Variants in SEMA3A observed in about 807,000 individuals in gnomAD.
SEMA3A encodes semaphorin-3A.
Under a neutral mutation model 97.9 loss-of-function variants are expected in SEMA3A, and 29 were observed. The observed-to-expected ratio is 0.30, with a 90% CI of 0.22 to 0.40. The LOEUF is 0.40. Among genes scored for constraint, SEMA3A ranks in the 10% least tolerant of loss-of-function variants. The probability of loss-of-function intolerance (pLI) is 1.00; values close to 1 mark genes in which losing one functional copy is unlikely to be tolerated. For missense variants in SEMA3A, 763 were observed against 951.3 expected, an observed-to-expected ratio of 0.80 and a Z score of 2.60; for synonymous variants, 321 against 323.7, an observed-to-expected ratio of 0.99 and a Z score of 0.09.
At chr7:84,023,430 G>A (rs1791398184) in intron 6 of SEMA3A, among the ~76,000 whole-genome samples, 1 of 152,148 alleles carries the variant, frequency 6.6e-6, no homozygotes, top group Non-Finnish European at 1.5e-5. Flanking sequence ...TGGGGTATCT[G>A]TAAATTTAAA....
intron 3 of SEMA3A, among the ~76,000 whole-genome samples, chr7:84,115,671 T>C (rs951768073): frequency 2.0e-5 from 3 of 152,168 alleles, no homozygotes; most frequent in African/African-American, 7.2e-5. Flanking sequence ...GTCCATTATA[T>C]GTACCTAGCA....
At chr7:84,036,831 T>G (rs186589890) in intron 6 of SEMA3A, among the ~76,000 whole-genome samples, 1 of 152,192 alleles carries the variant, frequency 6.6e-6, no homozygotes, top group Non-Finnish European at 1.5e-5. Flanking sequence ...TCTTAGGAAT[T>G]AATATATGTT....
At chr7:84,418,936 T>C (rs117353444) in intron 1 of SEMA3A, among the ~76,000 whole-genome samples, 6,325 of 150,440 alleles carry the variant, frequency 0.042, 149 homozygotes, top group Non-Finnish European at 0.062. Context: ...TATATATACA[T>C]ATATCTACAC....
At chr7:83,963,095 A>G in intron 16 of SEMA3A, 110 bp downstream of exon 16, 1 of 1,171,552 alleles carries the variant, frequency 8.5e-7, no homozygotes, top group Non-Finnish European at 1.2e-6. Flanking sequence ...ATTGGTTCAG[A>G]AGAGGATAAG....
At chr7:84,201,177 T>C (rs1798346950) in intron 3 of SEMA3A, among the ~76,000 whole-genome samples, 1 of 152,120 alleles carries the variant, frequency 6.6e-6, no homozygotes, top group Admixed American at 6.6e-5. Flanking sequence ...AAAAAGAATG[T>C]TGCACCTCAG....
At chr7:84,424,882 T>G (rs1237556633) in intron 1 of SEMA3A, among the ~76,000 whole-genome samples, 1 of 74,890 alleles carries the variant, frequency 1.3e-5, no homozygotes, top group Non-Finnish European at 2.2e-5. Context: ...ATATATAATA[T>G]TATATATAAA....
chr7:84,440,281 C>G (rs1214672475), intron 1 of SEMA3A, among the ~76,000 whole-genome samples: 1 of 152,140 alleles, frequency 6.6e-6, no homozygotes, highest in Non-Finnish European at 1.5e-5. Context: ...TTATTTTCAG[C>G]TTTTAGCACA....
intron 6 of SEMA3A, among the ~76,000 whole-genome samples, chr7:84,023,045 C>T (rs1791386740): frequency 6.6e-6 from 1 of 152,200 alleles, no homozygotes; most frequent in Admixed American, 6.5e-5. Context: ...TACCTCATCC[C>T]ACAGATGGCA....
At chr7:84,406,181 T>A (rs990887964) in intron 1 of SEMA3A, among the ~76,000 whole-genome samples, 44 of 151,712 alleles carry the variant, frequency 2.9e-4, no homozygotes, top group African/African-American at 8.7e-4. Context: ...AAGAGAGAAG[T>A]ATCAAATAGA....
chr7:84,361,511 T>C (rs1247534332), intron 2 of SEMA3A, among the ~76,000 whole-genome samples: 1 of 152,068 alleles, frequency 6.6e-6, no homozygotes, highest in Non-Finnish European at 1.5e-5. Flanking sequence ...TATCTATCCT[T>C]ATCGAACATG....
chr7:84,327,620 A>C (rs2115935291), intron 2 of SEMA3A, among the ~76,000 whole-genome samples: 1 of 152,110 alleles, frequency 6.6e-6, no homozygotes, highest in South Asian at 2.1e-4. Flanking sequence ...GAGATCTTTA[A>C]AAAAATCTAT....
intron 5 of SEMA3A, among the ~76,000 whole-genome samples, chr7:84,051,847 T>A (rs952620995): frequency 6.6e-6 from 1 of 151,432 alleles, no homozygotes. Context: ...GGCTGTGGGT[T>A]TGTCATAGAT....
intron 2 of SEMA3A, among the ~76,000 whole-genome samples, chr7:84,314,670 T>C (rs1801449325): frequency 6.6e-6 from 1 of 152,194 alleles, no homozygotes; most frequent in Admixed American, 6.5e-5. Context: ...CTAGACTCAC[T>C]GAACTATGCA....
At chr7:84,409,562 C>A (rs1323819670) in intron 1 of SEMA3A, among the ~76,000 whole-genome samples, 1 of 151,980 alleles carries the variant, frequency 6.6e-6, no homozygotes, top group Non-Finnish European at 1.5e-5. Flanking sequence ...TTAGTATTTA[C>A]TTGTGATTCA....
At chr7:84,422,889 T>C (rs769667139) in intron 1 of SEMA3A, among the ~76,000 whole-genome samples, 1 of 152,032 alleles carries the variant, frequency 6.6e-6, no homozygotes, top group South Asian at 2.1e-4. Context: ...AAGAAATGTA[T>C]CTCTAAAGTA....
chr7:84,379,443 T>A (rs1225377572), intron 1 of SEMA3A, among the ~76,000 whole-genome samples: 1 of 152,158 alleles, frequency 6.6e-6, no homozygotes, highest in East Asian at 1.9e-4. Context: ...TAAACGTTTC[T>A]CAGACTGAAT....
At chr7:84,151,130 A>T (rs1047689321) in intron 1 of SEMA3A, among the ~76,000 whole-genome samples, 3 of 150,330 alleles carry the variant, frequency 2.0e-5, no homozygotes, top group African/African-American at 7.3e-5. Context: ...TAAAACCACA[A>T]AGATGGGGAA....
chr7:84,169,298 C>A (rs144407284), intron 1 of SEMA3A, among the ~76,000 whole-genome samples: 2 of 151,172 alleles, frequency 1.3e-5, no homozygotes, highest in African/African-American at 4.8e-5. Flanking sequence ...CACAAGTATT[C>A]AAGAGTGAAA....
At chr7:84,238,566 A>T (rs1799288648) in intron 3 of SEMA3A, among the ~76,000 whole-genome samples, 1 of 152,140 alleles carries the variant, frequency 6.6e-6, no homozygotes, top group Non-Finnish European at 1.5e-5. Context: ...TATTAACTTA[A>T]TTTTTACAAG....
Sources: allele counts gnomAD v4.1 joint callset (sites outside exome capture counted in the v4.1 genomes callset), GRCh38; gene constraint gnomAD v4.1.1; transcripts MANE v1.5; gene names NCBI Gene and HGNC (gene_info 2026-07-23, HGNC 2026-07-21).